Variants in PLCD1 observed in about 807,000 individuals in gnomAD.
PLCD1 encodes the protein phospholipase C delta 1.
A neutral mutation model predicts 87.4 loss-of-function variants in PLCD1; 71 were observed. That is an observed-to-expected ratio of 0.81 (90% CI 0.67 to 0.99). The LOEUF (loss-of-function observed/expected upper bound fraction) is 0.99. Ranked by LOEUF, PLCD1 falls within the 50% of genes least tolerant of loss-of-function variation. PLCD1 has a pLI of 0.00. For missense variants in PLCD1, 867 were observed against 1,001.5 expected (o/e 0.87, Z 1.81); for synonymous variants, 348 against 399.2 (o/e 0.87, Z 1.53).
At chr3:38,012,027 T>TTC (rs1700086130) in intron 3 of PLCD1, among the ~76,000 whole-genome samples, 1 of 141,638 alleles carries the variant, frequency 7.1e-6, no homozygotes, top group Non-Finnish European at 1.5e-5. Context: ...CTGGTTTTCC[T>TTC]TTTCTTTTTT....
rs147566070 is a variant in PLCD1, at chr3:38,016,570, C to A, written c.349G>T (p.Asp117Tyr). 19 of 1,613,926 alleles carry A rather than the reference C, an allele frequency of 1.2e-5. No homozygotes were observed. The highest frequency in any genetic ancestry group is 1.6e-5 in the Non-Finnish European group (19 of 1,179,950). The stretch of plus-strand genomic sequence containing the variant: ...AGCCCCAGCACCCAGTGCTGGGCAT[C>A]AGCTGGCGATGGGGCGATGAGGTCT... ...TLDLIAPSPA[D>Y]AQHWVLGLHK... is the part of the protein sequence containing the mutation. The change falls in exon 3 of 15, where the codon GAT (aspartate) becomes TAT (tyrosine). Residue 117 changes from aspartate to tyrosine, a missense_variant. Transcript: ENST00000334661.
At chr3:38,026,956 T>TG (rs559016717) in intron 1 of PLCD1, among the ~76,000 whole-genome samples, 134 of 151,198 alleles carry the variant, frequency 8.9e-4, no homozygotes, top group Admixed American at 6.4e-3. Context: ...CTTGCAGGGG[T>TG]GGGGGCAAAA....
At position 38,008,167 on chromosome 3, in the gene PLCD1, G is replaced by C; in HGVS notation, c.2036-4C>G. 1.2e-6 allele frequency: 2 copies of C among 1,613,560 alleles called. No homozygotes were observed. Among genetic ancestry groups the C allele is most frequent in the Non-Finnish European group, 1.7e-6 (2 of 1,180,010 alleles). On this transcript the variant is annotated splice_region_variant and splice_polypyrimidine_tract_variant and intron_variant, in intron 13 of 14. Transcript: ENST00000334661. Reference sequence around the variant, plus strand: ...GTGTCCCACCATGGGTTGAAACCTAGGGGGACAGGCACCATATCAGCAGCA... The same window carrying C: ...GTGTCCCACCATGGGTTGAAACCTACGGGGACAGGCACCATATCAGCAGCA...
intron 1 of PLCD1, among the ~76,000 whole-genome samples, chr3:38,026,001 T>C (rs1198102000): frequency 6.6e-6 from 1 of 152,164 alleles, no homozygotes; most frequent in Non-Finnish European, 1.5e-5. Context: ...GAATAAATCA[T>C]GAGCAAGGTG....
At chr3:38,024,701 A>G in intron 1 of PLCD1, 1 of 1,481,744 alleles carries the variant, frequency 6.7e-7, no homozygotes, top group Non-Finnish European at 9.0e-7. Flanking sequence ...GGCGGGACCT[A>G]TGCCCCCTGA....
rs397514470 is a variant in PLCD1, at chr3:38,009,945, G to A, written c.1246C>T (p.Arg416Ter). The A allele has an allele frequency of 1.7e-5, 27 of 1,613,102 alleles. No individual in the cohort carries two copies. The highest frequency in any genetic ancestry group is 1.6e-4 in the South Asian group (15 of 91,026). The change falls in exon 8 of 15, where the codon CGA (arginine) becomes TGA (stop). Residue 416 changes from arginine (R) to a stop codon, truncating the protein, a stop_gained. Transcript: ENST00000334661. LOFTEE classifies it high-confidence loss of function. Reference sequence around the variant, plus strand: ...CTGTTGGTGACCCCATCCAGTGGTCGGTTCAACAGCATGGGGCCCAGGATG... The same window carrying A: ...CTGTTGGTGACCCCATCCAGTGGTCAGTTCAACAGCATGGGGCCCAGGATG... ...HAILGPMLLN[R>*]PLDGVTNSLP...
intron 1 of PLCD1, among the ~76,000 whole-genome samples, chr3:38,028,611 T>G (rs1183740455): frequency 6.6e-6 from 1 of 151,992 alleles, no homozygotes; most frequent in African/African-American, 2.4e-5. Context: ...AAGCAGTGAT[T>G]GGTATGAAAG....
intron 1 of PLCD1, among the ~76,000 whole-genome samples, chr3:38,028,995 C>T (rs974465927): frequency 3.3e-5 from 5 of 152,372 alleles, no homozygotes; most frequent in Non-Finnish European, 4.4e-5. Flanking sequence ...CTGCACGGCC[C>T]GACCACGGTT....
chr3:38,010,687 A>C (rs1322608187), intron 5 of PLCD1, 125 bp from the exon 6 acceptor site: 9 of 732,822 alleles, frequency 1.2e-5, no homozygotes, highest in Admixed American at 5.0e-5. Context: ...AGTCTTCCAG[A>C]GCTCTTGGAA....
chr3:38,026,531 CAA>C lies in PLCD1; in HGVS notation c.34+2973_34+2974del, dbSNP rs1700311754. 2.0e-5 allele frequency among the ~76,000 whole-genome samples: 3 copies of C among 151,930 alleles called. No individual in the cohort carries two copies. The South Asian group carries it at 6.2e-4, about 32-fold the overall frequency. The stretch of plus-strand genomic sequence containing the variant: ...AGATTCTGTCTCATAAATAAATAAA[CAA>C]ATAAATAAATAAAAACATAATCCTG... On this transcript the variant is annotated intron_variant, in intron 1 of 14. Coordinates refer to ENST00000334661, the MANE Select transcript of PLCD1 (RefSeq NM_006225.4).
At position 38,011,367 on chromosome 3, in the gene PLCD1, C is replaced by G; in HGVS notation, c.637G>C (p.Glu213Gln). ...GCCTCGGCGAAGGTGCGGTCGATCT[C>G]CACCCGCTGGGTCAGCATCTTGTAG... ...AFYKMLTQRVEIDRTFAEAAG... is the reference protein window; with the variant it reads ...AFYKMLTQRVQIDRTFAEAAG... Residue 213 changes from glutamate (E) to glutamine (Q), a missense_variant, in exon 5 of 15, where the codon GAG becomes CAG. Glu to Gln is a conservative substitution (Grantham distance 29). Coordinates refer to ENST00000334661, the MANE Select transcript of PLCD1 (RefSeq NM_006225.4). The G allele has an allele frequency of 6.2e-7, 1 of 1,613,246 alleles. No individual in the cohort carries two copies. Among genetic ancestry groups the G allele is most frequent in the Non-Finnish European group, 8.5e-7 (1 of 1,180,048 alleles).
At position 38,018,823 on chromosome 3, in the gene PLCD1, G is replaced by A. The variant is rs1044158166; in HGVS notation, c.199+1365C>T. Reference sequence around the variant, plus strand: ...TCACTCCTGTACAGTGTGGCAGCAGGCTGAGCTGGGGCTCCGTGTGGTTTC... The same window carrying A: ...TCACTCCTGTACAGTGTGGCAGCAGACTGAGCTGGGGCTCCGTGTGGTTTC... On this transcript the variant is annotated intron_variant, in intron 2 of 14. Coordinates refer to ENST00000334661, the MANE Select transcript of PLCD1 (RefSeq NM_006225.4). This position sits in a 1 kb window ranked among gnomAD's most constrained non-coding sequence, Gnocchi z 5.7. 2 of 152,082 alleles carry A rather than the reference G, an allele frequency of 1.3e-5. No homozygotes were observed. The highest frequency in any genetic ancestry group is 4.8e-5 in the African/African-American group (2 of 41,392). 9.4% of individuals were successfully genotyped at this position (152,082 alleles called of 1,614,324 possible).
chr3:38,011,625 C>G lies in PLCD1; in HGVS notation c.477G>C (p.Lys159Asn), dbSNP rs1185343117. Residue 159 changes from lysine to asparagine, a missense_variant, in exon 4 of 15, where the codon AAG becomes AAC. Physicochemically the swap from Lys to Asn is moderately conservative, Grantham distance 94. Coordinates refer to ENST00000334661, the MANE Select transcript of PLCD1 (RefSeq NM_006225.4). ...AGTTCTGCAGCTCCTTGAAGCTCATCTTGTTGTCCTTGTTTTTGTCAGCTT... is the reference window on the plus strand; with the variant it reads ...AGTTCTGCAGCTCCTTGAAGCTCATGTTGTTGTCCTTGTTTTTGTCAGCTT... ...LRKADKNKDN[K>N]MSFKELQNFL... 6.2e-7 allele frequency: 1 copy of G among 1,614,072 alleles called. No homozygotes were observed. The highest frequency in any genetic ancestry group is 1.3e-5 in the African/African-American group (1 of 74,936).
Position 38,025,232 on chromosome 3 carries a change from C to T in PLCD1, c.34+4274G>A, listed in dbSNP as rs1443030372. 6.6e-6 allele frequency among the ~76,000 whole-genome samples: 1 copy of T among 152,032 alleles called. No individual in the cohort carries two copies. Among genetic ancestry groups the T allele is most frequent in the Non-Finnish European group, 1.5e-5 (1 of 67,998 alleles). On this transcript the variant is annotated intron_variant, in intron 1 of 14. Coordinates refer to ENST00000334661, the MANE Select transcript of PLCD1 (RefSeq NM_006225.4). The surrounding 1 kb of genome is among the most constrained non-coding windows in gnomAD (Gnocchi z 4.0). The stretch of plus-strand genomic sequence containing the variant: ...CGGTCCCTCGGCTTTGGAGGCGGTG[C>T]GGGGGCGGAGCCAGGGTCCGGGAGG...
Position 38,007,744 on chromosome 3 carries a change from CAG to C in PLCD1, c.*27_*28del, listed in dbSNP as rs1022807428. 1.5e-5 allele frequency: 23 copies of C among 1,566,390 alleles called. No homozygotes were observed. The highest frequency in any genetic ancestry group is 1.7e-4 in the Middle Eastern group (1 of 5,984). On this transcript the variant is annotated 3_prime_UTR_variant, in exon 15 of 15. Transcript: ENST00000334661. ...ATGTGGACAGAGGGCCCAGCCCACTCAGGGGGGACCCCACTGGCTTCCTCCAG... is the reference window on the plus strand; with the variant it reads ...ATGTGGACAGAGGGCCCAGCCCACTCGGGGGACCCCACTGGCTTCCTCCAG...
At chr3:38,014,509 A>G (rs1441856220) in intron 3 of PLCD1, 1 of 153,794 alleles carries the variant, frequency 6.5e-6, no homozygotes, top group Non-Finnish European at 1.5e-5. Context: ...AAAGAAATAA[A>G]GTATATGAAT....
chr3:38,023,410 T>C (rs1700262505), intron 1 of PLCD1, among the ~76,000 whole-genome samples: 1 of 152,122 alleles, frequency 6.6e-6, no homozygotes, highest in East Asian at 1.9e-4. Context: ...TGATAGAGGC[T>C]CCCATAATAA....
chr3:38,017,864 G>T lies in PLCD1; in HGVS notation c.200-1145C>A, dbSNP rs112666178. On this transcript the variant is annotated intron_variant, in intron 2 of 14. Coordinates refer to ENST00000334661, the MANE Select transcript of PLCD1 (RefSeq NM_006225.4). This position sits in a 1 kb window ranked among gnomAD's most constrained non-coding sequence, Gnocchi z 4.7. ...GGGACACATGAGCCCAGGGCCATGT[G>T]GGGGACAGAGGATAGCACGGCTTAA... Among the ~76,000 whole-genome samples the T allele has an allele frequency of 3.6e-3, 541 of 152,282 alleles. 4 individuals carry two copies. The highest frequency in any genetic ancestry group is 0.011 in the African/African-American group (475 of 41,566).
intron 1 of PLCD1, among the ~76,000 whole-genome samples, chr3:38,021,650 C>T (rs1700235515): frequency 6.6e-6 from 1 of 152,202 alleles, no homozygotes; most frequent in African/African-American, 2.4e-5. Flanking sequence ...GTCCAGCAGC[C>T]AGCTCTATTG....
Sources: gnomAD v4.1 joint callset for allele counts (sites outside exome capture counted in the v4.1 genomes callset) on GRCh38, gnomAD v4.1.1 for gene constraint, Gnocchi (gnomAD v3.1) non-coding constraint, MANE v1.5 for transcripts, NCBI Gene and HGNC (gene_info 2026-07-23, HGNC 2026-07-21) for gene names.